Variants in SYT1 observed in about 807,000 individuals in gnomAD.
SYT1 encodes synaptotagmin-1.
SYT1 carries 8 observed loss-of-function variants against 44.8 expected under a neutral mutation model. The ratio of observed to expected loss-of-function variants is 0.18; its 90% CI spans 0.10 to 0.32. SYT1 has a LOEUF of 0.32. Among genes scored for constraint, SYT1 ranks in the 10% least tolerant of loss-of-function variants. The pLI is 1.00. For missense variants in SYT1, 286 were observed against 509.3 expected, an observed-to-expected ratio of 0.56 and a Z score of 4.22; for synonymous variants, 154 against 188.8, an observed-to-expected ratio of 0.82 and a Z score of 1.51.
At chr12:79,257,954 T>C (rs1877621995) in intron 4 of SYT1, among the ~76,000 whole-genome samples, 1 of 152,166 alleles carries the variant, frequency 6.6e-6, no homozygotes. Context: ...TTTTAGGATG[T>C]ATCACAACAT....
intron 4 of SYT1, among the ~76,000 whole-genome samples, chr12:79,236,992 A>G (rs1443859376): frequency 6.6e-6 from 1 of 152,202 alleles, no homozygotes; most frequent in African/African-American, 2.4e-5. Flanking sequence ...TAACATAATT[A>G]CAGTTTTGTA....
intron 9 of SYT1, among the ~76,000 whole-genome samples, chr12:79,358,081 C>G (rs539395279): frequency 6.6e-5 from 10 of 152,282 alleles, no homozygotes; most frequent in East Asian, 1.9e-4. Flanking sequence ...TCACTTTCCT[C>G]AAGTTTGGTG....
intron 1 of SYT1, among the ~76,000 whole-genome samples, chr12:78,962,310 T>C (rs1879546986): frequency 6.6e-6 from 1 of 151,536 alleles, no homozygotes; most frequent in Admixed American, 6.6e-5. Flanking sequence ...TGGTACGCAG[T>C]AATCATTCAA....
chr12:79,412,525 G>A (rs897453558), intron 9 of SYT1, among the ~76,000 whole-genome samples: 2 of 152,096 alleles, frequency 1.3e-5, no homozygotes, highest in Non-Finnish European at 1.5e-5. Flanking sequence ...ATAATTGCCT[G>A]ACCATCATCT....
rs563921432 is a variant in SYT1 at position 79,029,613 on chromosome 12, C to A, written c.-83-17684C>A. ...TATTTTTCATGCATGTAATGTTATT[C>A]TCTAGCTAAGGAATCCTGAATGAAA... On this transcript the variant is annotated intron_variant, in intron 2 of 10. Coordinates refer to ENST00000261205, the MANE Select transcript of SYT1 (RefSeq NM_005639.3). Among the ~76,000 whole-genome samples the A allele has an allele frequency of 2.0e-5, 3 of 151,140 alleles. No homozygotes were observed. In the South Asian group the frequency reaches 6.2e-4, roughly 31 times the overall value.
At chr12:79,064,914 C>T (rs1290357601) in intron 3 of SYT1, among the ~76,000 whole-genome samples, 1 of 108,600 alleles carries the variant, frequency 9.2e-6, no homozygotes, top group East Asian at 2.8e-4. Flanking sequence ...ACTCTTTAGA[C>T]AAAAAAATAG....
chr12:79,228,781 A>G (rs1592874192), intron 4 of SYT1, among the ~76,000 whole-genome samples: 1 of 152,156 alleles, frequency 6.6e-6, no homozygotes, highest in Admixed American at 6.5e-5. Context: ...GTCTCTCAAA[A>G]CCAGCCAGCA....
At chr12:78,941,145 T>C (rs1473279232) in intron 1 of SYT1, among the ~76,000 whole-genome samples, 3 of 143,010 alleles carry the variant, frequency 2.1e-5, no homozygotes, top group African/African-American at 7.6e-5. Context: ...CCATCTCCTC[T>C]CACTGCAAGC....
At chr12:79,408,355 C>T (rs1868311692) in intron 9 of SYT1, among the ~76,000 whole-genome samples, 1 of 152,122 alleles carries the variant, frequency 6.6e-6, no homozygotes, top group African/African-American at 2.4e-5. Flanking sequence ...GGAGCTTTTA[C>T]TAAGTCTCAC....
At chr12:79,093,431 TAAAG>T (rs1240839944) in intron 3 of SYT1, among the ~76,000 whole-genome samples, 4 of 151,718 alleles carry the variant, frequency 2.6e-5, no homozygotes, top group African/African-American at 9.7e-5. Context: ...AAAGACCTAA[TAAAG>T]ACAGTATAAA....
At chr12:78,975,155 C>A (rs1405425360) in intron 1 of SYT1, among the ~76,000 whole-genome samples, 1 of 148,322 alleles carries the variant, frequency 6.7e-6, no homozygotes, top group Non-Finnish European at 1.5e-5. Flanking sequence ...TTTTTAATAC[C>A]GAAGTGTGAT....
At chr12:78,927,267 A>G (rs11111910) in intron 1 of SYT1, among the ~76,000 whole-genome samples, 14,218 of 151,936 alleles carry the variant, frequency 0.094, 1,017 homozygotes, top group East Asian at 0.32. Flanking sequence ...CTGGAGGGGG[A>G]AGTGAAACTG....
At chr12:79,273,036 C>T (rs1878515132) in intron 4 of SYT1, among the ~76,000 whole-genome samples, 1 of 151,950 alleles carries the variant, frequency 6.6e-6, no homozygotes, top group African/African-American at 2.4e-5. Flanking sequence ...CAGTTTTTTA[C>T]CCCCAAGATA....
chr12:79,367,301 C>G (rs1883588818), intron 9 of SYT1, among the ~76,000 whole-genome samples: 1 of 152,120 alleles, frequency 6.6e-6, no homozygotes, highest in Admixed American at 6.5e-5. Flanking sequence ...CTCCCTCTCT[C>G]TAAAATGAAC....
chr12:79,016,565 A>G (rs899284975), intron 2 of SYT1, among the ~76,000 whole-genome samples: 1 of 152,186 alleles, frequency 6.6e-6, no homozygotes, highest in Non-Finnish European at 1.5e-5. Context: ...CGCCAGTGTC[A>G]GAAAGATTAT....
At chr12:78,889,528 T>C (rs1298965439) in intron 1 of SYT1, among the ~76,000 whole-genome samples, 1 of 151,954 alleles carries the variant, frequency 6.6e-6, no homozygotes, top group Non-Finnish European at 1.5e-5. Flanking sequence ...TTTGTCTGGA[T>C]TTAGAAATGT....
At chr12:79,355,217 C>G (rs1883065794) in intron 9 of SYT1, among the ~76,000 whole-genome samples, 1 of 152,068 alleles carries the variant, frequency 6.6e-6, no homozygotes, top group Admixed American at 6.6e-5. Context: ...GAAGTTAGGT[C>G]TAGCAGGTTA....
At chr12:78,928,790 T>G (rs1877449629) in intron 1 of SYT1, among the ~76,000 whole-genome samples, 1 of 152,184 alleles carries the variant, frequency 6.6e-6, no homozygotes, top group South Asian at 2.1e-4. Flanking sequence ...GATGTGCAAC[T>G]GAAAACTTAT....
chr12:79,425,846 AT>A (rs1458902515), intron 9 of SYT1, among the ~76,000 whole-genome samples: 2 of 152,136 alleles, frequency 1.3e-5, no homozygotes, highest in Non-Finnish European at 1.5e-5. Flanking sequence ...AATAATACTT[AT>A]TGGCGTATGG....
Sources: allele counts gnomAD v4.1 joint callset (sites outside exome capture counted in the v4.1 genomes callset), GRCh38; gene constraint gnomAD v4.1.1; transcripts MANE v1.5; gene names NCBI Gene and HGNC (gene_info 2026-07-23, HGNC 2026-07-21).